CCDC149: variants seen among roughly 807,000 people sequenced by gnomAD.
CCDC149 encodes the protein coiled-coil domain containing 149, also known as coiled-coil domain-containing protein 149.
A neutral mutation model predicts 59.9 loss-of-function variants in CCDC149; 45 were observed. That is an observed-to-expected ratio of 0.75 (90% CI 0.59 to 0.96). The LOEUF is 0.96. Among genes scored for constraint, CCDC149 ranks in the 40% least tolerant of loss-of-function variants. CCDC149 has a pLI of 0.00. For missense variants in CCDC149, 584 were observed against 664.7 expected, an observed-to-expected ratio of 0.88 and a Z score of 1.33; for synonymous variants, 245 against 260.6, an observed-to-expected ratio of 0.94 and a Z score of 0.58.
intron 1 of CCDC149, among the ~76,000 whole-genome samples, chr4:24,923,153 T>C (rs1189747192): frequency 6.6e-6 from 1 of 152,160 alleles, no homozygotes; most frequent in African/African-American, 2.4e-5. Flanking sequence ...CTCAGCTGAT[T>C]TGTGAGCATA....
intron 1 of CCDC149, among the ~76,000 whole-genome samples, chr4:24,906,467 T>C (rs940685384): frequency 3.4e-5 from 5 of 147,574 alleles, no homozygotes; most frequent in African/African-American, 1.2e-4. Context: ...AGTGGCACGA[T>C]CTTGGCTCAC....
chr4:24,913,900 G>A (rs912830641), upstream of CCDC149, among the ~76,000 whole-genome samples: 2 of 152,236 alleles, frequency 1.3e-5, no homozygotes, highest in South Asian at 2.1e-4. Context: ...TAAGTCAATC[G>A]TATTCAAGGT....
At chr4:24,867,417 A>G (rs1718768889) in intron 3 of CCDC149, among the ~76,000 whole-genome samples, 1 of 152,236 alleles carries the variant, frequency 6.6e-6, no homozygotes, top group African/African-American at 2.4e-5. Context: ...TATGAAAGAC[A>G]TACCTCCCAG....
At chr4:24,947,983 C>T (rs1278749041) in intron 1 of CCDC149, among the ~76,000 whole-genome samples, 3 of 152,092 alleles carry the variant, frequency 2.0e-5, no homozygotes, top group South Asian at 4.1e-4. Flanking sequence ...ACAGTGACTT[C>T]GAGTGCCAAA....
intron 1 of CCDC149, among the ~76,000 whole-genome samples, chr4:24,879,699 G>GAAAGAAAAAGA (rs1195930016): frequency 6.8e-6 from 1 of 147,102 alleles, no homozygotes; most frequent in African/African-American, 2.5e-5. Flanking sequence ...AAAAAAAAAA[G>GAAAGAAAAAGA]AAAGAAAAAG....
intron 1 of CCDC149, among the ~76,000 whole-genome samples, chr4:24,906,420 A>ATTTTATTTATTTTATTT (rs1721537469): frequency 7.1e-6 from 1 of 141,784 alleles, no homozygotes; most frequent in Admixed American, 6.9e-5. Context: ...ACTTTATTTG[A>ATTTTATTTATTTTATTT]GACAGAGTTT....
chr4:24,884,011 C>T (rs1048487329), intron 1 of CCDC149, among the ~76,000 whole-genome samples: 3 of 152,144 alleles, frequency 2.0e-5, no homozygotes, highest in Non-Finnish European at 2.9e-5. Context: ...ACCGTATTTT[C>T]AACAAGACAC....
intron 4 of CCDC149, among the ~76,000 whole-genome samples, chr4:24,843,695 A>G (rs1717078702): frequency 6.6e-6 from 1 of 152,176 alleles, no homozygotes; most frequent in African/African-American, 2.4e-5. Context: ...TAGTGTGTAT[A>G]CGGATGTCTC....
At chr4:24,953,330 CT>C (rs1204777183) in intron 1 of CCDC149, among the ~76,000 whole-genome samples, 1 of 152,194 alleles carries the variant, frequency 6.6e-6, no homozygotes, top group African/African-American at 2.4e-5. Flanking sequence ...TTACAAGTCC[CT>C]CCCTCTCCAG....
chr4:24,943,304 A>C (rs1723004528), intron 1 of CCDC149, among the ~76,000 whole-genome samples: 1 of 152,046 alleles, frequency 6.6e-6, no homozygotes, highest in South Asian at 2.1e-4. Flanking sequence ...TGAGAAAAAC[A>C]AGCAATGGGG....
At chr4:24,901,538 G>A (rs1263275995) in intron 1 of CCDC149, among the ~76,000 whole-genome samples, 3 of 152,136 alleles carry the variant, frequency 2.0e-5, no homozygotes, top group Non-Finnish European at 4.4e-5. Flanking sequence ...GAGAGAACAT[G>A]AATCCCATCA....
chr4:24,882,685 C>T (rs1190577205), intron 1 of CCDC149, among the ~76,000 whole-genome samples: 1 of 152,014 alleles, frequency 6.6e-6, no homozygotes, highest in Non-Finnish European at 1.5e-5. Flanking sequence ...GTGTTTGATC[C>T]CTGGCTGCTG....
rs547346634 is a variant in CCDC149, at chr4:24,933,403, C to G, written c.-64-38285G>C. ...AAAAACAAATGCCTGGTAAGTTTTT[C>G]TAGCAAACTGATAGAGAACTTTGAT... is the stretch of plus-strand genomic sequence containing the variant. On this transcript the variant is annotated intron_variant, in intron 1 of 12. Coordinates refer to the CCDC149 transcript ENST00000389609. Among the ~76,000 whole-genome samples, 21 of 152,200 alleles carry G rather than the reference C, an allele frequency of 1.4e-4. 1 individual carries two copies. The highest frequency in any genetic ancestry group is 6.8e-3 in the Middle Eastern group (2 of 294).
upstream of CCDC149, among the ~76,000 whole-genome samples, chr4:24,915,215 TA>T (rs1177124545): frequency 6.6e-6 from 1 of 152,252 alleles, no homozygotes; most frequent in Non-Finnish European, 1.5e-5. Context: ...GTCTCATGCC[TA>T]AAAAGCAAGG....
At chr4:24,839,067 G>C (rs977070015) in intron 4 of CCDC149, among the ~76,000 whole-genome samples, 30 of 147,850 alleles carry the variant, frequency 2.0e-4, no homozygotes, top group African/African-American at 7.4e-4. Context: ...CACACAGAGA[G>C]AGAGAGAGAA....
intron 1 of CCDC149, among the ~76,000 whole-genome samples, chr4:24,890,407 C>G (rs1720459669): frequency 6.6e-6 from 1 of 152,070 alleles, no homozygotes; most frequent in African/African-American, 2.4e-5. Flanking sequence ...GGATTTGAAC[C>G]CAAGCCTGTC....
chr4:24,934,416 A>G (rs1235897666), intron 1 of CCDC149, among the ~76,000 whole-genome samples: 2 of 152,128 alleles, frequency 1.3e-5, no homozygotes, highest in African/African-American at 4.8e-5. Flanking sequence ...AGCCATGTGG[A>G]ACTGTAAGTT....
chr4:24,937,587 A>G (rs1382315774), intron 1 of CCDC149, among the ~76,000 whole-genome samples: 1 of 152,258 alleles, frequency 6.6e-6, no homozygotes, highest in East Asian at 1.9e-4. Flanking sequence ...GTGGTCACTC[A>G]GAGATTCAGG....
Position 24,834,726 on chromosome 4 carries a change from G to A in CCDC149, c.820+222C>T, listed in dbSNP as rs374234248. On this transcript the variant is annotated intron_variant, in intron 8 of 12. Coordinates refer to ENST00000635206, the MANE Select transcript of CCDC149 (RefSeq NM_001330643.2). ...TTTAGAAATACATAATTTTCAAGTC[G>A]TACTCCAGACCTACTGAATCAGAAA... is the stretch of plus-strand genomic sequence containing the variant. 4.6e-5 allele frequency among the ~76,000 whole-genome samples: 7 copies of A among 152,228 alleles called. No individual in the cohort carries two copies. The East Asian group carries it at 5.8e-4, about 13-fold the overall frequency.
Sources: allele counts gnomAD v4.1 joint callset (sites outside exome capture counted in the v4.1 genomes callset), GRCh38; gene constraint gnomAD v4.1.1; transcripts MANE v1.5; gene names NCBI Gene and HGNC (gene_info 2026-07-23, HGNC 2026-07-21).